HTT: variants seen among roughly 807,000 people sequenced by gnomAD.
The protein encoded by HTT is huntingtin, also known as huntington disease protein.
HTT carries 104 observed loss-of-function variants against 362.3 expected under a neutral mutation model. The observed-to-expected ratio is 0.29, with a 90% CI of 0.24 to 0.34. The LOEUF (loss-of-function observed/expected upper bound fraction) is 0.34. HTT is among the 10% of genes least tolerant of loss of function. HTT has a pLI of 1.00. For missense variants in HTT, 3,301 were observed against 3,928.6 expected (o/e 0.84, Z 4.27); for synonymous variants, 1,577 against 1,548.7 (o/e 1.02, Z -0.43).
chr4:3,088,194 T>TG (rs1378572569), intron 2 of HTT, among the ~76,000 whole-genome samples: 84 of 149,170 alleles, frequency 5.6e-4, no homozygotes, highest in African/African-American at 1.4e-3. Flanking sequence ...TTTTGTTTTT[T>TG]TTTTTTTTTT....
At chr4:3,239,149 C>T (rs943336332) in intron 66 of HTT, among the ~76,000 whole-genome samples, 171 bp downstream of exon 66, 2 of 152,170 alleles carry the variant, frequency 1.3e-5, no homozygotes, top group Admixed American at 6.5e-5. Context: ...GAAAGGAGCA[C>T]GTCCAGACAT....
chr4:3,164,988 C>T lies in HTT; in HGVS notation c.3864+4596C>T, dbSNP rs563450633. On this transcript the variant is annotated intron_variant, in intron 29 of 66. Transcript: ENST00000355072. ...TATGATCCTAGTTGGTTATTTTGCC[C>T]GTTAACTGATGCAGTTTCTTCATAG... 4.7e-4 allele frequency among the ~76,000 whole-genome samples: 71 copies of T among 152,210 alleles called. No homozygotes were observed. In the East Asian group the frequency reaches 9.1e-3, roughly 19 times the overall value.
chr4:3,160,122 A>G (rs1717363422), intron 28 of HTT, among the ~76,000 whole-genome samples, 160 bp from the exon 29 acceptor site: 3 of 152,204 alleles, frequency 2.0e-5, no homozygotes, highest in Admixed American at 1.3e-4. Context: ...ATATTTTTCC[A>G]GTGCTGACAA....
Position 3,228,911 on chromosome 4 carries a change from T to C in HTT, c.8011T>C (p.Cys2671Arg), listed in dbSNP as rs1424449957. Residue 2671 changes from cysteine to arginine, a missense_variant, in exon 59 of 67, where the codon TGT (cysteine) becomes CGT (arginine). Physicochemically the swap from Cys to Arg is radical, Grantham distance 180. Around this residue, in one of 4 missense-constraint regions of HTT, gnomAD observed 753 missense variants for 1,021.3 expected, o/e 0.74. Coordinates refer to ENST00000355072, the MANE Select transcript of HTT (RefSeq NM_001388492.1). This position sits in a 1 kb window ranked among gnomAD's most constrained non-coding sequence, Gnocchi z 4.3. ...CCGGGCTGGAGTTGACATCCACTCC[T>C]GTTCGCAGTTTTTGCTTGAGTTGTA... ...KHRAGVDIHS[C>R]SQFLLELYSR... 1.2e-6 allele frequency: 2 copies of C among 1,613,874 alleles called. No homozygotes were observed. The highest frequency in any genetic ancestry group is 1.7e-6 in the Non-Finnish European group (2 of 1,179,834).
At chr4:3,127,975 A>G in intron 12 of HTT, among the ~76,000 whole-genome samples, 1 of 151,896 alleles carries the variant, frequency 6.6e-6, no homozygotes, top group East Asian at 2.0e-4. Context: ...AAAAAAATAA[A>G]AAAATAAAGT....
intron 29 of HTT, among the ~76,000 whole-genome samples, chr4:3,165,350 C>G (rs1245848038): frequency 1.3e-5 from 2 of 151,206 alleles, no homozygotes; most frequent in Non-Finnish European, 3.0e-5. Flanking sequence ...GCTGCCCTTT[C>G]CTTCATTTCA....
intron 29 of HTT, among the ~76,000 whole-genome samples, chr4:3,163,226 G>A (rs1418147079): frequency 5.3e-5 from 8 of 152,156 alleles, no homozygotes; most frequent in African/African-American, 1.2e-4. Context: ...GATGGATTAC[G>A]TTTATTGATT....
intron 23 of HTT, among the ~76,000 whole-genome samples, chr4:3,144,235 T>C (rs910065763): frequency 2.0e-5 from 3 of 152,226 alleles, no homozygotes; most frequent in Non-Finnish European, 4.4e-5. Context: ...TCAAATTTTC[T>C]AAAATGAGCA....
intron 12 of HTT, 28 bp downstream of exon 12, chr4:3,127,632 T>C (rs1715583944): frequency 6.7e-7 from 1 of 1,494,532 alleles, no homozygotes; most frequent in African/African-American, 1.4e-5. Context: ...CCTGACATCT[T>C]TTTTTTTATT....
chr4:3,211,880 C>T (rs762345213), intron 47 of HTT, 49 bp from the exon 48 acceptor site: 10 of 1,340,380 alleles, frequency 7.5e-6, no homozygotes, highest in Non-Finnish European at 1.1e-5. Context: ...TGATTGAAAG[C>T]TCATAATCTG....
chr4:3,103,927 T>C, intron 4 of HTT, 44 bp downstream of exon 4: 1 of 1,155,836 alleles, frequency 8.7e-7, no homozygotes, highest in Non-Finnish European at 1.3e-6. Context: ...AAATTTTAAA[T>C]TTTTATAGGT....
chr4:3,104,612 A>G (rs1714333335), intron 4 of HTT, among the ~76,000 whole-genome samples: 1 of 152,032 alleles, frequency 6.6e-6, no homozygotes, highest in Non-Finnish European at 1.5e-5. Context: ...TGTCTCAAAA[A>G]ATAAAAATGA....
intron 35 of HTT, among the ~76,000 whole-genome samples, chr4:3,179,025 T>C (rs1718374089): frequency 6.6e-6 from 1 of 152,208 alleles, no homozygotes; most frequent in African/African-American, 2.4e-5. Context: ...TGAACTGATC[T>C]TCCAGCATTG....
intron 52 of HTT, among the ~76,000 whole-genome samples, chr4:3,219,040 G>A (rs1211318049): frequency 6.6e-6 from 1 of 152,218 alleles, no homozygotes; most frequent in Admixed American, 6.5e-5. Flanking sequence ...CTGCCGCAGG[G>A]AATGAAGGTA....
chr4:3,233,424 C>T, intron 61 of HTT, 71 bp downstream of exon 61: 1 of 1,431,534 alleles, frequency 7.0e-7, no homozygotes, highest in Admixed American at 1.8e-5. Flanking sequence ...GCATCACCCT[C>T]TCCAAGTGCC....
Position 3,172,881 on chromosome 4 carries a change from G to T in HTT, c.3943-27G>T, listed in dbSNP as rs777013731. 12 of 1,507,136 alleles carry T rather than the reference G, an allele frequency of 8.0e-6. No individual in the cohort carries two copies. In the African/African-American group the frequency reaches 1.1e-4, roughly 14 times the overall value. The allele number at this position is 1,507,136 out of a possible 1,614,324, so 93.4% of individuals were successfully genotyped here. On this transcript the variant is annotated intron_variant, in intron 30 of 66. Coordinates refer to ENST00000355072, the MANE Select transcript of HTT (RefSeq NM_001388492.1). ...TTAAAAGTGTTGTTCACGCCACATT[G>T]TTGATGCCTCATTTTTTTCACTGTA...
chr4:3,172,183 G>A (rs1266898462), intron 29 of HTT, 137 bp from the exon 30 acceptor site: 13 of 664,588 alleles, frequency 2.0e-5, no homozygotes, highest in Non-Finnish European at 3.0e-5. Context: ...ATAAGAAATT[G>A]AAAACTTTCC....
Position 3,218,020 on chromosome 4 carries a change from A to G in HTT, c.7242+68A>G, listed in dbSNP as rs1720498176. On this transcript the variant is annotated intron_variant, in intron 52 of 66. Coordinates refer to ENST00000355072, the MANE Select transcript of HTT (RefSeq NM_001388492.1). The surrounding 1 kb of genome is among the most constrained non-coding windows in gnomAD (Gnocchi z 4.4). ...GGCACCGGTAGGCCCTGGGCTGGGC[A>G]CACGTGAGAGGGCGGGACAGAATCC... is the stretch of plus-strand genomic sequence containing the variant. The G allele has an allele frequency of 1.5e-6, 2 of 1,369,002 alleles. No homozygotes were observed. The highest frequency in any genetic ancestry group is 1.4e-5 in the African/African-American group (1 of 69,682). 84.8% of individuals were successfully genotyped at this position (1,369,002 alleles called of 1,614,324 possible). A position where few individuals can be genotyped will look rare whatever the true frequency, so the allele number is the denominator to read the frequency against.
chr4:3,094,119 C>CT, intron 2 of HTT, among the ~76,000 whole-genome samples: 1 of 151,776 alleles, frequency 6.6e-6, no homozygotes, highest in South Asian at 2.1e-4. Flanking sequence ...GGTGATGACT[C>CT]TTAACGAGTA....
Sources: gnomAD v4.1 joint callset for allele counts (sites outside exome capture counted in the v4.1 genomes callset) on GRCh38, gnomAD v4.1.1 for gene constraint, gnomAD v4.1.1 regional missense constraint, Gnocchi (gnomAD v3.1) non-coding constraint, MANE v1.5 for transcripts, NCBI Gene and HGNC (gene_info 2026-07-23, HGNC 2026-07-21) for gene names.